Variants in LRRTM3 observed in about 807,000 individuals in gnomAD.
LRRTM3 encodes leucine-rich repeat transmembrane neuronal protein 3.
Under a neutral mutation model 44.7 loss-of-function variants are expected in LRRTM3, and 24 were observed. That is an observed-to-expected ratio of 0.54 (90% CI 0.39 to 0.76). LRRTM3 has a LOEUF of 0.76. LRRTM3 is among the 30% of genes least tolerant of loss of function. LRRTM3 has a pLI of 0.00. For missense variants in LRRTM3, 587 were observed against 702.2 expected, an observed-to-expected ratio of 0.84 and a Z score of 1.85; for synonymous variants, 277 against 278.7, an observed-to-expected ratio of 0.99 and a Z score of 0.06.
At chr10:67,048,740 G>C (rs763731469) in intron 2 of LRRTM3, among the ~76,000 whole-genome samples, 8 of 151,978 alleles carry the variant, frequency 5.3e-5, no homozygotes, top group Non-Finnish European at 7.4e-5. Context: ...AGCAAAGTGA[G>C]GTAGACAACA....
chr10:66,987,597 C>T (rs891123794), intron 2 of LRRTM3, among the ~76,000 whole-genome samples: 3 of 152,172 alleles, frequency 2.0e-5, no homozygotes, highest in Non-Finnish European at 4.4e-5. Context: ...TTACTACTGT[C>T]TCATTCCCAA....
chr10:67,000,910 G>T (rs1049810708), intron 2 of LRRTM3, among the ~76,000 whole-genome samples: 6 of 151,972 alleles, frequency 3.9e-5, no homozygotes, highest in Non-Finnish European at 7.4e-5. Context: ...AGTGACCAAG[G>T]GCTGACTCAG....
At chr10:67,030,325 A>G (rs1331272927) in intron 2 of LRRTM3, among the ~76,000 whole-genome samples, 5 of 152,204 alleles carry the variant, frequency 3.3e-5, no homozygotes, top group African/African-American at 1.2e-4. Context: ...ATATGCTATC[A>G]TTTAATTTAT....
chr10:67,048,210 G>T (rs1461709688), intron 2 of LRRTM3, among the ~76,000 whole-genome samples: 1 of 151,974 alleles, frequency 6.6e-6, no homozygotes, highest in East Asian at 1.9e-4. Flanking sequence ...GATTAACCTG[G>T]AAGACCCTAC....
In LRRTM3 at chr10:66,965,450, G is replaced by A. The variant is rs10997455; in HGVS notation, c.1536+36998G>A. ...CTCAGGAGGCTGAGGCAGGGGAATC[G>A]CTTGAACTGGGGAGGCAGAGGTTGC... On this transcript the variant is annotated intron_variant, in intron 2 of 2. Coordinates refer to ENST00000361320, the MANE Select transcript of LRRTM3 (RefSeq NM_178011.5). Among the ~76,000 whole-genome samples, 640 of 151,320 alleles carry A rather than the reference G, an allele frequency of 4.2e-3. 38 individuals are homozygous for A. In the East Asian group the frequency reaches 0.11, roughly 25 times the overall value.
intron 2 of LRRTM3, among the ~76,000 whole-genome samples, chr10:66,968,648 A>C (rs1849562679): frequency 6.6e-6 from 1 of 152,144 alleles, no homozygotes. Context: ...AAGAAGAATA[A>C]ATAAGTGGCT....
chr10:67,094,253 A>G (rs186473050), intron 2 of LRRTM3, among the ~76,000 whole-genome samples: 1 of 152,044 alleles, frequency 6.6e-6, no homozygotes, highest in African/African-American at 2.4e-5. Flanking sequence ...TATTACATTT[A>G]AGAATCATTG....
intron 2 of LRRTM3, among the ~76,000 whole-genome samples, chr10:66,959,746 C>T (rs72804642): frequency 0.027 from 4,108 of 152,224 alleles, 82 homozygotes; most frequent in Non-Finnish European, 0.041. Flanking sequence ...CTTAGCACAC[C>T]TTTCTTTCTT....
chr10:66,936,382 C>A (rs1847696155), intron 2 of LRRTM3, among the ~76,000 whole-genome samples: 1 of 152,076 alleles, frequency 6.6e-6, no homozygotes, highest in Admixed American at 6.6e-5. Context: ...AATTTACCCT[C>A]CTCTAAGTTT....
intron 2 of LRRTM3, among the ~76,000 whole-genome samples, chr10:67,060,296 G>A (rs1855687748): frequency 6.6e-6 from 1 of 152,108 alleles, no homozygotes; most frequent in African/African-American, 2.4e-5. Context: ...CCAGCCTGGT[G>A]ACAGAGACCT....
intron 2 of LRRTM3, among the ~76,000 whole-genome samples, chr10:66,941,582 AT>A (rs1356704801): frequency 6.6e-6 from 1 of 152,184 alleles, no homozygotes; most frequent in Non-Finnish European, 1.5e-5. Context: ...CTGAAAAAAA[AT>A]CAAAGGCCAT....
intron 2 of LRRTM3, among the ~76,000 whole-genome samples, chr10:66,972,904 G>T (rs1452334006): frequency 6.6e-6 from 1 of 151,778 alleles, no homozygotes; most frequent in Non-Finnish European, 1.5e-5. Context: ...TAGAGATGGG[G>T]TTTCACCATG....
At chr10:66,998,941 T>C (rs1851525165) in intron 2 of LRRTM3, among the ~76,000 whole-genome samples, 1 of 152,078 alleles carries the variant, frequency 6.6e-6, no homozygotes, top group African/African-American at 2.4e-5. Flanking sequence ...AAACTGAACA[T>C]ATACATAAAG....
intron 2 of LRRTM3, among the ~76,000 whole-genome samples, chr10:67,043,159 A>C (rs1854514254): frequency 6.8e-6 from 1 of 146,264 alleles, no homozygotes. Context: ...TTTTCTGTGC[A>C]ATAAGATCTG....
intron 2 of LRRTM3, among the ~76,000 whole-genome samples, chr10:67,091,190 A>G (rs1274446792): frequency 6.6e-6 from 1 of 152,096 alleles, no homozygotes; most frequent in Non-Finnish European, 1.5e-5. Context: ...AGCAAAACCC[A>G]AAGCTAGTTA....
At chr10:67,016,191 C>T (rs117323380) in intron 2 of LRRTM3, among the ~76,000 whole-genome samples, 6 of 152,202 alleles carry the variant, frequency 3.9e-5, no homozygotes, top group Non-Finnish European at 7.4e-5. Flanking sequence ...CCTTTCTGAT[C>T]GCTACTCCTC....
At chr10:67,015,110 A>G (rs1006315230) in intron 2 of LRRTM3, among the ~76,000 whole-genome samples, 4 of 152,158 alleles carry the variant, frequency 2.6e-5, no homozygotes, top group Non-Finnish European at 5.9e-5. Flanking sequence ...ATTAGGTAGT[A>G]GCTATTAACC....
intron 2 of LRRTM3, among the ~76,000 whole-genome samples, chr10:66,957,706 G>C (rs1848899741): frequency 6.6e-6 from 1 of 151,788 alleles, no homozygotes; most frequent in African/African-American, 2.4e-5. Flanking sequence ...TGGCAAGGAT[G>C]GTGAAACATG....
At chr10:67,010,063 T>C (rs960252538) in intron 2 of LRRTM3, among the ~76,000 whole-genome samples, 23 of 152,192 alleles carry the variant, frequency 1.5e-4, no homozygotes, top group Admixed American at 1.5e-3. Flanking sequence ...GAGTCAGGGC[T>C]CTTTAGAACC....
Sources: gnomAD v4.1 joint callset for allele counts (sites outside exome capture counted in the v4.1 genomes callset) on GRCh38, gnomAD v4.1.1 for gene constraint, MANE v1.5 for transcripts, NCBI Gene and HGNC (gene_info 2026-07-23, HGNC 2026-07-21) for gene names.